The following FABP6 variants were observed in gnomAD, a reference collection of about 807,000 sequenced individuals.
The protein encoded by FABP6 is fatty acid binding protein 6.
FABP6 carries 13 observed loss-of-function variants against 14.9 expected under a neutral mutation model. The ratio of observed to expected loss-of-function variants is 0.87; its 90% CI spans 0.57 to 1.39. The LOEUF is 1.39. FABP6 is among the 40% of genes most tolerant of loss of function. FABP6 has a pLI of 0.00. For missense variants in FABP6, 161 were observed against 167.2 expected, an observed-to-expected ratio of 0.96 and a Z score of 0.20; for synonymous variants, 75 against 63.6, an observed-to-expected ratio of 1.18 and a Z score of -0.85.
chr5:160,219,260 C>G (rs1760081571), intron 3 of FABP6, among the ~76,000 whole-genome samples: 1 of 152,158 alleles, frequency 6.6e-6, no homozygotes, highest in Admixed American at 6.5e-5. Flanking sequence ...GTATTCCCAC[C>G]CCCTTCTCCA....
intron 2 of FABP6, among the ~76,000 whole-genome samples, chr5:160,212,599 G>T (rs986815248): frequency 2.0e-5 from 3 of 152,018 alleles, no homozygotes; most frequent in African/African-American, 7.2e-5. Flanking sequence ...CTCCTGAGTA[G>T]ATGGGACTAC....
chr5:160,195,008 G>A lies in FABP6; in HGVS notation c.-58-4041G>A, dbSNP rs1325722570. On this transcript the variant is annotated intron_variant, in intron 1 of 6. Transcript: ENST00000393980. Reference sequence around the variant, plus strand: ...CAGAATTTAATCTCCTTCCTGGCTGGGTGCAGTGGCTCATGCCTGTAATCC... The same window carrying A: ...CAGAATTTAATCTCCTTCCTGGCTGAGTGCAGTGGCTCATGCCTGTAATCC... Among the ~76,000 whole-genome samples, 7 of 152,170 alleles carry A rather than the reference G, an allele frequency of 4.6e-5. No individual in the cohort carries two copies. The South Asian group carries it at 1.4e-3, about 32-fold the overall frequency.
intron 3 of FABP6, among the ~76,000 whole-genome samples, chr5:160,224,406 G>A (rs1209771384): frequency 2.0e-5 from 3 of 152,100 alleles, no homozygotes; most frequent in Non-Finnish European, 1.5e-5. Context: ...CTGGGTGACA[G>A]AGGGAGACCC....
intron 3 of FABP6, among the ~76,000 whole-genome samples, chr5:160,216,615 C>G (rs1760017989): frequency 2.0e-5 from 3 of 152,152 alleles, no homozygotes; most frequent in Admixed American, 2.0e-4. Flanking sequence ...CTGGATCAGA[C>G]AGCCAGCAGG....
intron 2 of FABP6, among the ~76,000 whole-genome samples, chr5:160,199,607 C>T (rs1426483204): frequency 6.6e-6 from 1 of 152,180 alleles, no homozygotes; most frequent in African/African-American, 2.4e-5. Flanking sequence ...CCTCGCACTT[C>T]CTCTCTGTCT....
At chr5:160,221,481 G>A (rs911534499) in intron 3 of FABP6, among the ~76,000 whole-genome samples, 1 of 152,194 alleles carries the variant, frequency 6.6e-6, no homozygotes, top group Non-Finnish European at 1.5e-5. Context: ...AGAGACCCCA[G>A]AAGACTCCAG....
At chr5:160,223,332 CCCTTCCTTCCTT>C (rs367909259) in intron 3 of FABP6, among the ~76,000 whole-genome samples, 3 of 93,370 alleles carry the variant, frequency 3.2e-5, no homozygotes, top group East Asian at 1.1e-3. Flanking sequence ...TTTTTGCCCG[CCCTTCCTTCCTT>C]CCTTCCTTCC....
intron 3 of FABP6, among the ~76,000 whole-genome samples, chr5:160,220,664 G>A (rs1210916809): frequency 1.3e-5 from 2 of 151,824 alleles, no homozygotes; most frequent in Admixed American, 6.6e-5. Context: ...TCTCATATTA[G>A]CCTTCCCTCA....
intron 1 of FABP6, chr5:160,197,863 G>C (rs1009499201): frequency 3.3e-5 from 5 of 152,374 alleles, no homozygotes; most frequent in African/African-American, 1.2e-4. Flanking sequence ...CAGCTCCTCT[G>C]CTCTGTCCCT....
chr5:160,188,769 G>C (rs1759341161), intron 1 of FABP6, among the ~76,000 whole-genome samples: 1 of 152,160 alleles, frequency 6.6e-6, no homozygotes, highest in South Asian at 2.1e-4. Context: ...TAAAAAGAGG[G>C]GGCTGGACTC....
intron 2 of FABP6, among the ~76,000 whole-genome samples, chr5:160,233,821 G>C (rs62377470): frequency 6.6e-6 from 1 of 150,986 alleles, no homozygotes; most frequent in Non-Finnish European, 1.5e-5. Context: ...ACAGTGAGCC[G>C]AGATCACACC....
At chr5:160,219,850 T>C (rs149455740) in intron 3 of FABP6, among the ~76,000 whole-genome samples, 68 of 152,252 alleles carry the variant, frequency 4.5e-4, no homozygotes, top group African/African-American at 1.5e-3. Context: ...ATGCAGATTC[T>C]AGGGCCCCAC....
At chr5:160,213,767 G>T in exon 3 of FABP6, 18 of 1,613,842 alleles carry the variant, frequency 1.1e-5, no homozygotes, top group Non-Finnish European at 1.5e-5. Context: ...GCGTGCACAT[G>T]GGTGAGCCGG....
intron 2 of FABP6, among the ~76,000 whole-genome samples, chr5:160,201,748 C>T (rs1759645623): frequency 6.6e-6 from 1 of 151,534 alleles, no homozygotes. Context: ...TTTCTTTGAA[C>T]TCATTCATTC....
intron 1 of FABP6, among the ~76,000 whole-genome samples, chr5:160,193,137 G>T (rs6885700): frequency 1.3e-5 from 2 of 152,156 alleles, no homozygotes; most frequent in African/African-American, 2.4e-5. Flanking sequence ...AAGGTGGCAC[G>T]TCTGGAGTTT....
At chr5:160,191,092 A>AG (rs1329337984) in intron 1 of FABP6, among the ~76,000 whole-genome samples, 1 of 148,330 alleles carries the variant, frequency 6.7e-6, no homozygotes, top group African/African-American at 2.5e-5. Context: ...TCCATCTGGA[A>AG]AAAAAAAAAA....
At chr5:160,193,652 A>G (rs536585009) in intron 1 of FABP6, among the ~76,000 whole-genome samples, 4 of 152,260 alleles carry the variant, frequency 2.6e-5, no homozygotes, top group African/African-American at 9.6e-5. Flanking sequence ...GCCCCACCAG[A>G]GCAGCTAGAT....
intron 3 of FABP6, among the ~76,000 whole-genome samples, chr5:160,220,206 T>C (rs1760101907): frequency 6.6e-6 from 1 of 152,224 alleles, no homozygotes; most frequent in Non-Finnish European, 1.5e-5. Context: ...TAACAGTAGA[T>C]ATCCTTCAAC....
intron 3 of FABP6, among the ~76,000 whole-genome samples, chr5:160,222,046 G>A (rs1429730048): frequency 6.6e-6 from 1 of 150,970 alleles, no homozygotes; most frequent in East Asian, 1.9e-4. Flanking sequence ...AAGGATTATA[G>A]GTAGCTTCAA....
Sources: gnomAD v4.1 joint callset for allele counts (sites outside exome capture counted in the v4.1 genomes callset) on GRCh38, gnomAD v4.1.1 for gene constraint, MANE v1.5 for transcripts, NCBI Gene and HGNC (gene_info 2026-07-23, HGNC 2026-07-21) for gene names.